The following PALM2AKAP2 variants were observed in gnomAD, a reference collection of about 807,000 sequenced individuals.
PALM2AKAP2 encodes PALM2-AKAP2 fusion protein.
PALM2AKAP2 carries 37 observed loss-of-function variants against 71.5 expected under a neutral mutation model. The ratio of observed to expected loss-of-function variants is 0.52; its 90% confidence interval spans 0.40 to 0.68. The LOEUF (loss-of-function observed/expected upper bound fraction) is 0.68. Ranked by LOEUF, PALM2AKAP2 falls within the 30% of genes least tolerant of loss-of-function variation. The pLI is 0.00. For missense variants in PALM2AKAP2, 1,224 were observed against 1,191.8 expected (o/e 1.03, Z -0.40); for synonymous variants, 468 against 478.8 (o/e 0.98, Z 0.29).
intron 1 of PALM2AKAP2, among the ~76,000 whole-genome samples, chr9:109,783,618 C>A (rs1167198189): frequency 6.6e-6 from 1 of 152,142 alleles, no homozygotes; most frequent in Non-Finnish European, 1.5e-5. Flanking sequence ...CTTTTTTAAT[C>A]CCTTCCTTCA....
chr9:109,824,583 T>C (rs1828093956), intron 1 of PALM2AKAP2, among the ~76,000 whole-genome samples: 2 of 152,236 alleles, frequency 1.3e-5, no homozygotes, highest in Admixed American at 6.5e-5. Context: ...CTTTCCATCT[T>C]TGGGGCTGTA....
rs1452770559 is a variant in PALM2AKAP2 at position 109,906,268 on chromosome 9, G to A, written c.258-17467G>A. On this transcript the variant is annotated intron_variant, in intron 3 of 9. Transcript: ENST00000302798. ...GGCTGGAGTGCAGTGGTGCAATCTC[G>A]GCTCACTGCAACCTCCAACTCCTGG... 3.9e-5 allele frequency among the ~76,000 whole-genome samples: 6 copies of A among 152,260 alleles called. No individual in the cohort carries two copies. In the South Asian group the frequency reaches 8.3e-4, roughly 21 times the overall value.
intron 7 of PALM2AKAP2, among the ~76,000 whole-genome samples, chr9:110,037,694 G>A (rs567127867): frequency 1.3e-5 from 2 of 152,316 alleles, no homozygotes; most frequent in South Asian, 2.1e-4. Context: ...TCAGAATGCT[G>A]TAGAATATGG....
chr9:109,869,525 A>G (rs1250085590), intron 2 of PALM2AKAP2, among the ~76,000 whole-genome samples: 1 of 150,550 alleles, frequency 6.6e-6, no homozygotes, highest in Non-Finnish European at 1.5e-5. Flanking sequence ...TTTTTAGTAG[A>G]GATGGGGTTT....
chr9:109,660,215 A>G (rs1827369774), intron 1 of PALM2AKAP2, among the ~76,000 whole-genome samples: 1 of 152,178 alleles, frequency 6.6e-6, no homozygotes, highest in East Asian at 1.9e-4. Flanking sequence ...TTATTATTAT[A>G]CTTTAAGTTC....
chr9:110,114,516 G>A (rs1835320502), intron 1 of PALM2AKAP2, among the ~76,000 whole-genome samples: 1 of 152,188 alleles, frequency 6.6e-6, no homozygotes, highest in South Asian at 2.1e-4. Context: ...AACAGATGAT[G>A]ACCCAGAGTC....
At chr9:110,048,755 C>A (rs1210349320) in exon 1 of PALM2AKAP2, 1 of 1,538,956 alleles carries the variant, frequency 6.5e-7, no homozygotes, top group Non-Finnish European at 8.7e-7. Flanking sequence ...TCTCCTGGAC[C>A]CCCGGAGTCT....
intron 6 of PALM2AKAP2, among the ~76,000 whole-genome samples, chr9:109,972,471 G>A (rs1027841613): frequency 1.3e-5 from 2 of 152,240 alleles, no homozygotes; most frequent in African/African-American, 4.8e-5. Flanking sequence ...GAACGTGGGA[G>A]ACAGCATGGC....
chr9:110,046,026 A>C (rs1190666705), upstream of PALM2AKAP2, among the ~76,000 whole-genome samples: 1 of 152,166 alleles, frequency 6.6e-6, no homozygotes, highest in African/African-American at 2.4e-5. Context: ...CAACCCCCCT[A>C]ATCGTGACAA....
chr9:110,093,545 G>A (rs1346715293), intron 1 of PALM2AKAP2, among the ~76,000 whole-genome samples: 1 of 152,190 alleles, frequency 6.6e-6, no homozygotes, highest in Non-Finnish European at 1.5e-5. Context: ...TGCTATCAGG[G>A]ACATTTAATG....
At chr9:109,719,347 G>A (rs960882652) in intron 1 of PALM2AKAP2, among the ~76,000 whole-genome samples, 5 of 152,128 alleles carry the variant, frequency 3.3e-5, no homozygotes, top group African/African-American at 9.7e-5. Context: ...AGTTTCTCAG[G>A]CTAATTCTGC....
At chr9:109,783,277 G>T (rs1012590339) in intron 1 of PALM2AKAP2, among the ~76,000 whole-genome samples, 9 of 151,806 alleles carry the variant, frequency 5.9e-5, no homozygotes, top group African/African-American at 2.2e-4. Flanking sequence ...CTTGTCCTGT[G>T]GGGGGTCAGA....
chr9:109,947,487 C>T (rs1181337634), intron 6 of PALM2AKAP2, among the ~76,000 whole-genome samples: 1 of 152,084 alleles, frequency 6.6e-6, no homozygotes, highest in African/African-American at 2.4e-5. Flanking sequence ...TATTTAATGC[C>T]AGTTGAACCA....
chr9:110,054,458 G>A (rs1833789921), intron 1 of PALM2AKAP2, among the ~76,000 whole-genome samples: 1 of 152,040 alleles, frequency 6.6e-6, no homozygotes, highest in South Asian at 2.1e-4. Flanking sequence ...AGATGGTTAT[G>A]GAAGCACCTT....
intron 6 of PALM2AKAP2, among the ~76,000 whole-genome samples, chr9:109,989,611 G>A (rs541996749): frequency 2.6e-5 from 4 of 152,302 alleles, no homozygotes; most frequent in East Asian, 1.9e-4. Context: ...TCTTCAATAC[G>A]TTATTGTGGT....
At chr9:109,878,006 T>C (rs1829756676) in intron 2 of PALM2AKAP2, among the ~76,000 whole-genome samples, 1 of 152,234 alleles carries the variant, frequency 6.6e-6, no homozygotes, top group African/African-American at 2.4e-5. Flanking sequence ...AAATGGCCTC[T>C]CATAATGTGC....
Position 109,729,529 on chromosome 9 carries a change from T to C in PALM2AKAP2, c.6-50959T>C, listed in dbSNP as rs150030968. 7.2e-5 allele frequency among the ~76,000 whole-genome samples: 11 copies of C among 152,276 alleles called. No homozygotes were observed. In the East Asian group the frequency reaches 1.9e-3, roughly 27 times the overall value. ...GATTCCTGTTTCCTCACCAGTTGATTGAGGAAGCAAATATTAATTAGATTA... is the reference window on the plus strand; with the variant it reads ...GATTCCTGTTTCCTCACCAGTTGATCGAGGAAGCAAATATTAATTAGATTA... On this transcript the variant is annotated intron_variant, in intron 1 of 6. Coordinates refer to the PALM2AKAP2 transcript ENST00000374531.
At chr9:110,103,417 G>A (rs1835046490) in intron 1 of PALM2AKAP2, among the ~76,000 whole-genome samples, 1 of 152,174 alleles carries the variant, frequency 6.6e-6, no homozygotes, top group South Asian at 2.1e-4. Context: ...CACTAAGCAA[G>A]TGAACAGCTT....
chr9:110,022,682 C>G (rs1833094929), intron 7 of PALM2AKAP2, among the ~76,000 whole-genome samples: 1 of 151,764 alleles, frequency 6.6e-6, no homozygotes, highest in South Asian at 2.1e-4. Context: ...CACACATTAA[C>G]TTGTCATTTA....
Sources: allele counts gnomAD v4.1 joint callset (sites outside exome capture counted in the v4.1 genomes callset), GRCh38; gene constraint gnomAD v4.1.1; transcripts MANE v1.5; gene names NCBI Gene and HGNC (gene_info 2026-07-23, HGNC 2026-07-21).